The following ESRP1 variants were observed in gnomAD, a reference collection of about 807,000 sequenced individuals.
The protein encoded by ESRP1 is epithelial splicing regulatory protein 1.
A neutral mutation model predicts 81.7 loss-of-function variants in ESRP1; 33 were observed. That is an observed-to-expected ratio of 0.40 (90% CI 0.31 to 0.54). ESRP1 has a LOEUF of 0.54. ESRP1 is among the 20% of genes least tolerant of loss of function. The pLI, the probability that ESRP1 is intolerant of heterozygous loss-of-function variation, is 0.41. For synonymous variants in ESRP1, 320 were observed against 303.3 expected, an observed-to-expected ratio of 1.06 and a Z score of -0.57; for missense variants, 672 against 833.1, an observed-to-expected ratio of 0.81 and a Z score of 2.38.
intron 4 of ESRP1, among the ~76,000 whole-genome samples, chr8:94,659,419 G>C (rs1229829119): frequency 2.6e-5 from 4 of 152,176 alleles, no homozygotes; most frequent in Non-Finnish European, 5.9e-5. Context: ...GGTCAGTGTT[G>C]TGTGTGTTCG....
At chr8:94,654,983 A>G (rs1207781637) in intron 4 of ESRP1, among the ~76,000 whole-genome samples, 2 of 151,894 alleles carry the variant, frequency 1.3e-5, no homozygotes, top group Non-Finnish European at 2.9e-5. Context: ...GTTGTATTCA[A>G]CCTGAGAAAG....
Position 94,692,739 on chromosome 8 carries a change from C to T in ESRP1, c.1883C>T (p.Pro628Leu). ...FPTAANLSGVPPQPGTVVRMQ... is the reference protein window; with the variant it reads ...FPTAANLSGVLPQPGTVVRMQ... ...ACAGCTGCTAATCTTAGCGGTGTCC[C>T]TCCACAGCCTGGCACGGTGGTCAGA... Residue 628 changes from proline to leucine, a missense_variant, in exon 14 of 16, where the codon CCT (proline) becomes CTT (leucine). Pro to Leu is a moderately conservative substitution (Grantham distance 98). Coordinates refer to ENST00000433389, the MANE Select transcript of ESRP1 (RefSeq NM_017697.4). The T allele has an allele frequency of 6.2e-7, 1 of 1,613,972 alleles. No homozygotes were observed. Among genetic ancestry groups the T allele is most frequent in the Non-Finnish European group, 8.5e-7 (1 of 1,179,872 alleles).
chr8:94,658,844 G>C (rs1300385455), intron 4 of ESRP1, among the ~76,000 whole-genome samples: 1 of 152,194 alleles, frequency 6.6e-6, no homozygotes, highest in East Asian at 1.9e-4. Context: ...ATTAGGGTCT[G>C]CTCACCCAGG....
chr8:94,645,592 G>A (rs1817805986), intron 3 of ESRP1, among the ~76,000 whole-genome samples: 1 of 152,154 alleles, frequency 6.6e-6, no homozygotes, highest in Non-Finnish European at 1.5e-5. Flanking sequence ...AGTCTAATTT[G>A]AGTTCACAGG....
chr8:94,689,892 C>T (rs576215918), intron 13 of ESRP1, among the ~76,000 whole-genome samples: 1 of 147,570 alleles, frequency 6.8e-6, no homozygotes, highest in South Asian at 2.2e-4. Context: ...TCTCAGCTCA[C>T]TGCAAGCTCC....
At chr8:94,665,221 C>G in intron 9 of ESRP1, 25 bp downstream of exon 9, 2 of 1,606,052 alleles carry the variant, frequency 1.2e-6, no homozygotes, top group African/African-American at 1.3e-5. Context: ...CATAATGTGG[C>G]TTTAGTTAAT....
chr8:94,653,984 GC>G (rs752537945), intron 4 of ESRP1, among the ~76,000 whole-genome samples: 1 of 152,154 alleles, frequency 6.6e-6, no homozygotes, highest in South Asian at 2.1e-4. Flanking sequence ...TTCCTTGCCA[GC>G]CCTCAGACTG....
intron 7 of ESRP1, 55 bp downstream of exon 7, chr8:94,664,862 TTCTA>T (rs1222807542): frequency 1.9e-6 from 3 of 1,608,882 alleles, no homozygotes; most frequent in Admixed American, 1.7e-5. Flanking sequence ...ATAATGGATT[TTCTA>T]TCTTTTTTTT....
intron 14 of ESRP1, among the ~76,000 whole-genome samples, chr8:94,694,458 G>C (rs953177724): frequency 6.6e-6 from 1 of 152,144 alleles, no homozygotes; most frequent in Non-Finnish European, 1.5e-5. Context: ...ACAAAAACTA[G>C]CCAGGCGTGG....
rs536659365 is a variant in ESRP1, at chr8:94,678,214, C to T, written c.1663C>T (p.Pro555Ser). Reference sequence around the variant, plus strand: ...CTTTGCATATCTAGGCCTGTCTCCTCCCTCCTACACATTTCCAGCTCCTGC... The same window carrying T: ...CTTTGCATATCTAGGCCTGTCTCCTTCCTCCTACACATTTCCAGCTCCTGC... ...PPCKLPCLSP[P>S]SYTFPAPAAV... Residue 555 changes from proline to serine, a missense_variant, in exon 13 of 16, where the codon CCC becomes TCC. By Grantham distance (74) the Pro-to-Ser change is moderately conservative. Coordinates refer to ENST00000433389, the MANE Select transcript of ESRP1 (RefSeq NM_017697.4). 5.0e-6 allele frequency: 8 copies of T among 1,613,958 alleles called. No homozygotes were observed. Among genetic ancestry groups the T allele is most frequent in the Non-Finnish European group, 6.8e-6 (8 of 1,179,872 alleles).
chr8:94,650,651 A>G (rs563956170), intron 4 of ESRP1, among the ~76,000 whole-genome samples: 1 of 152,322 alleles, frequency 6.6e-6, no homozygotes, highest in African/African-American at 2.4e-5. Flanking sequence ...GTTCTTGCAA[A>G]TATGAATAGT....
intron 13 of ESRP1, among the ~76,000 whole-genome samples, chr8:94,684,753 T>C (rs780561925): frequency 6.6e-5 from 10 of 152,184 alleles, no homozygotes; most frequent in Non-Finnish European, 1.3e-4. Context: ...CCTCTCTTTT[T>C]TAGTGAAATT....
At position 94,706,095 on chromosome 8, in the gene ESRP1, C is replaced by A; in HGVS notation, c.*206C>A. 1.5e-6 allele frequency: 1 copy of A among 677,856 alleles called. No homozygotes were observed. The highest frequency in any genetic ancestry group is 2.4e-6 in the Non-Finnish European group (1 of 414,890). The allele number at this position is 677,856 out of a possible 1,614,324, so 42.0% of individuals were successfully genotyped here. A position where few individuals can be genotyped will look rare whatever the true frequency, so the allele number is the denominator to read the frequency against. On this transcript the variant is annotated 3_prime_UTR_variant, in exon 16 of 16. Transcript: ENST00000433389. Reference sequence around the variant, plus strand: ...GTGAAAAAATTTGAGCTAGTGAAGCCAAATCGTAACTTACAGCAAGCAGCA... The same window carrying A: ...GTGAAAAAATTTGAGCTAGTGAAGCAAAATCGTAACTTACAGCAAGCAGCA...
chr8:94,697,950 T>C (rs894755107), intron 15 of ESRP1, among the ~76,000 whole-genome samples: 5 of 152,096 alleles, frequency 3.3e-5, no homozygotes, highest in African/African-American at 1.2e-4. Flanking sequence ...CTGGCTTTTT[T>C]TTTGTATTTT....
chr8:94,663,321 C>CT (rs1176490030), intron 6 of ESRP1, among the ~76,000 whole-genome samples: 5 of 152,194 alleles, frequency 3.3e-5, no homozygotes, highest in Non-Finnish European at 7.3e-5. Context: ...TCTCTGCTCA[C>CT]TGCAACCTCC....
rs1340051842 is a variant in ESRP1, at chr8:94,706,307, T to G, written c.*418T>G. The G allele has an allele frequency of 5.1e-6, 1 of 194,584 alleles. No homozygotes were observed. Among genetic ancestry groups the G allele is most frequent in the Non-Finnish European group, 1.0e-5 (1 of 95,378 alleles). The allele number at this position is 194,584 out of a possible 1,614,324, so 12.1% of individuals were successfully genotyped here. A position where few individuals can be genotyped will look rare whatever the true frequency, so the allele number is the denominator to read the frequency against. On this transcript the variant is annotated 3_prime_UTR_variant, in exon 16 of 16. Transcript: ENST00000433389. ...CTCTGTTAAGGAAGCTTCATTTTTG[T>G]ATATTCCCGCTCTTTTCTCTTCATT...
At chr8:94,669,515 T>G (rs1275667636) in intron 10 of ESRP1, among the ~76,000 whole-genome samples, 2 of 152,208 alleles carry the variant, frequency 1.3e-5, no homozygotes, top group Non-Finnish European at 2.9e-5. Context: ...AAATTATTTT[T>G]GTGTTCCATT....
intron 10 of ESRP1, 178 bp downstream of exon 10, chr8:94,668,428 C>A (rs1819131759): frequency 1.8e-6 from 1 of 541,134 alleles, no homozygotes; most frequent in Non-Finnish European, 3.2e-6. Flanking sequence ...CCTGTACACA[C>A]ACACAACACA....
intron 9 of ESRP1, 80 bp from the exon 10 acceptor site, chr8:94,667,869 G>A: frequency 1.1e-5 from 14 of 1,217,666 alleles, no homozygotes; most frequent in Non-Finnish European, 1.4e-5. Context: ...GACATTGGCA[G>A]GACTTTTATC....
Sources: gnomAD v4.1 joint callset for allele counts (sites outside exome capture counted in the v4.1 genomes callset) on GRCh38, gnomAD v4.1.1 for gene constraint, MANE v1.5 for transcripts, NCBI Gene and HGNC (gene_info 2026-07-23, HGNC 2026-07-21) for gene names.